The following MAGI2 variants were observed in gnomAD, a reference collection of about 807,000 sequenced individuals.
MAGI2 encodes the protein membrane associated guanylate kinase, WW and PDZ domain containing 2.
A neutral mutation model predicts 133.3 loss-of-function variants in MAGI2; 35 were observed. The ratio of observed to expected loss-of-function variants is 0.26; its 90% confidence interval spans 0.20 to 0.35. The LOEUF is 0.35. Among genes scored for constraint, MAGI2 ranks in the 10% least tolerant of loss-of-function variants. The probability of loss-of-function intolerance (pLI) is 1.00; values close to 1 mark genes in which losing one functional copy is unlikely to be tolerated. For missense variants in MAGI2, 1,636 were observed against 1,863.4 expected (o/e 0.88, Z 2.25); for synonymous variants, 729 against 710.6 (o/e 1.03, Z -0.41).
chr7:79,011,186 G>A (rs1351992825), intron 1 of MAGI2: 2 of 152,110 alleles, frequency 1.3e-5, no homozygotes, highest in Non-Finnish European at 2.9e-5. Flanking sequence ...AAAACACCAA[G>A]TCCCAACGTT....
rs142574740 is a variant in MAGI2 at position 78,881,836 on chromosome 7, C to T, written c.418+125254G>A. 7.1e-3 allele frequency among the ~76,000 whole-genome samples: 1,081 copies of T among 151,450 alleles called. 11 individuals are homozygous for T. Among genetic ancestry groups the T allele is most frequent in the Middle Eastern group, 0.024 (7 of 292 alleles). ...AAGTTTATAGCCCTAAAGCCTATGTCAGGAAGTCAGAAAGATTTCAAATTA... is the reference window on the plus strand; with the variant it reads ...AAGTTTATAGCCCTAAAGCCTATGTTAGGAAGTCAGAAAGATTTCAAATTA... On this transcript the variant is annotated intron_variant, in intron 2 of 21. Transcript: ENST00000354212.
chr7:79,273,673 T>TG (rs71095389), intron 1 of MAGI2, among the ~76,000 whole-genome samples: 20 of 150,796 alleles, frequency 1.3e-4, no homozygotes, highest in East Asian at 2.0e-4. Context: ...TTGTTGTTGT[T>TG]TTTTCTGCTT....
chr7:78,690,200 T>C (rs1373832019), intron 2 of MAGI2, among the ~76,000 whole-genome samples: 1 of 152,326 alleles, frequency 6.6e-6, no homozygotes, highest in East Asian at 1.9e-4. Flanking sequence ...ACAATTTTAA[T>C]ATACATTAAA....
At chr7:78,650,718 T>TC (rs1427973543) in intron 2 of MAGI2, among the ~76,000 whole-genome samples, 1 of 152,188 alleles carries the variant, frequency 6.6e-6, no homozygotes, top group African/African-American at 2.4e-5. Flanking sequence ...GTCTTTGTCC[T>TC]CCCTTCACTA....
intron 5 of MAGI2, among the ~76,000 whole-genome samples, chr7:78,492,001 C>A (rs1347157723): frequency 2.0e-5 from 3 of 151,694 alleles, no homozygotes; most frequent in African/African-American, 7.3e-5. Context: ...TTTGTCCTCA[C>A]CTGCTTCTTC....
chr7:79,290,143 T>A (rs1836349463), intron 1 of MAGI2, among the ~76,000 whole-genome samples: 2 of 152,032 alleles, frequency 1.3e-5, no homozygotes, highest in East Asian at 3.9e-4. Flanking sequence ...ATTCAACAAA[T>A]GTGTTTAGTG....
chr7:79,042,973 T>A (rs1359949183), intron 1 of MAGI2, among the ~76,000 whole-genome samples: 1 of 152,080 alleles, frequency 6.6e-6, no homozygotes, highest in Non-Finnish European at 1.5e-5. Flanking sequence ...AACCTGCTCC[T>A]GAATGATTTT....
intron 21 of MAGI2, among the ~76,000 whole-genome samples, chr7:78,059,786 C>A (rs1288689858): frequency 1.6e-5 from 1 of 61,646 alleles, no homozygotes; most frequent in African/African-American, 6.5e-5. Flanking sequence ...TATTTTTTTT[C>A]TGGAGTCCCT....
At chr7:78,598,326 G>A (rs2150869534) in intron 3 of MAGI2, among the ~76,000 whole-genome samples, 1 of 152,212 alleles carries the variant, frequency 6.6e-6, no homozygotes, top group East Asian at 1.9e-4. Flanking sequence ...ATTAGACGGT[G>A]GGAGAAAGGA....
At chr7:78,452,756 T>C (rs577837044) in intron 6 of MAGI2, among the ~76,000 whole-genome samples, 48 of 151,886 alleles carry the variant, frequency 3.2e-4, no homozygotes, top group Middle Eastern at 6.8e-3. Flanking sequence ...ATAAAATGTC[T>C]AGTAATTTGA....
intron 9 of MAGI2, among the ~76,000 whole-genome samples, chr7:78,269,586 G>C (rs1389136864): frequency 6.6e-6 from 1 of 152,068 alleles, no homozygotes; most frequent in Non-Finnish European, 1.5e-5. Context: ...GTCTTCTTTT[G>C]AGAAGTGGCT....
At chr7:78,118,765 G>A (rs1820131543) in intron 20 of MAGI2, among the ~76,000 whole-genome samples, 1 of 152,150 alleles carries the variant, frequency 6.6e-6, no homozygotes, top group African/African-American at 2.4e-5. Flanking sequence ...AATGTAAAAT[G>A]GTATAGCCAA....
In MAGI2 at chr7:78,969,761, C is replaced by G. The variant is rs143948996; in HGVS notation, c.418+37329G>C. Among the ~76,000 whole-genome samples, 529 of 152,126 alleles carry G rather than the reference C, an allele frequency of 3.5e-3. 2 individuals carry two copies. The highest frequency in any genetic ancestry group is 0.012 in the African/African-American group (515 of 41,536). On this transcript the variant is annotated intron_variant, in intron 2 of 21. Coordinates refer to ENST00000354212, the MANE Select transcript of MAGI2 (RefSeq NM_012301.4). ...GCAGTTGACTCGAAATTACTGCCTA[C>G]TTTTTCTAAAATAATAGTAAATAAA... is the stretch of plus-strand genomic sequence containing the variant.
chr7:78,167,408 G>A (rs995119910), intron 15 of MAGI2, among the ~76,000 whole-genome samples: 2 of 152,142 alleles, frequency 1.3e-5, no homozygotes, highest in African/African-American at 2.4e-5. Flanking sequence ...ACATAAATTT[G>A]GAACTATATG....
chr7:79,369,507 G>A (rs896630576), intron 1 of MAGI2, among the ~76,000 whole-genome samples: 7 of 152,176 alleles, frequency 4.6e-5, no homozygotes, highest in African/African-American at 1.7e-4. Flanking sequence ...ACCTGTTGTA[G>A]AGAATGCAAG....
At chr7:78,572,260 C>T (rs764674) in intron 3 of MAGI2, among the ~76,000 whole-genome samples, 1 of 151,986 alleles carries the variant, frequency 6.6e-6, no homozygotes, top group Non-Finnish European at 1.5e-5. Context: ...AATTGATTAT[C>T]GAGGAAATCA....
chr7:78,248,726 T>C (rs1022603423), intron 10 of MAGI2, among the ~76,000 whole-genome samples: 1 of 152,040 alleles, frequency 6.6e-6, no homozygotes, highest in South Asian at 2.1e-4. Flanking sequence ...CAAATCAAAA[T>C]GCATTAAAAA....
At chr7:78,801,787 A>G (rs545019918) in intron 2 of MAGI2, among the ~76,000 whole-genome samples, 75 of 152,260 alleles carry the variant, frequency 4.9e-4, no homozygotes, top group Admixed American at 1.4e-3. Flanking sequence ...ATCAGCAGCT[A>G]TTATGAGTGA....
chr7:78,981,080 C>T (rs1225873132), intron 2 of MAGI2, among the ~76,000 whole-genome samples: 1 of 151,460 alleles, frequency 6.6e-6, no homozygotes, highest in Non-Finnish European at 1.5e-5. Flanking sequence ...TTGCTTGGCT[C>T]TTCTGACTTT....
Sources: allele counts gnomAD v4.1 joint callset (sites outside exome capture counted in the v4.1 genomes callset), GRCh38; gene constraint gnomAD v4.1.1; transcripts MANE v1.5; gene names NCBI Gene and HGNC (gene_info 2026-07-23, HGNC 2026-07-21).